Variants in TMC2 observed in about 807,000 individuals in gnomAD.
TMC2 encodes the protein transmembrane channel like 2.
Under a neutral mutation model 105.9 loss-of-function variants are expected in TMC2, and 102 were observed. The ratio of observed to expected loss-of-function variants is 0.96; its 90% CI spans 0.82 to 1.14. The LOEUF is 1.14. TMC2 is among the 50% of genes most tolerant of loss of function. TMC2 has a pLI of 0.00. For synonymous variants in TMC2, 402 were observed against 422.8 expected, an observed-to-expected ratio of 0.95 and a Z score of 0.60; for missense variants, 1,093 against 1,134.3, an observed-to-expected ratio of 0.96 and a Z score of 0.52.
chr20:2,632,603 G>GT (rs1403208793), intron 17 of TMC2, among the ~76,000 whole-genome samples: 1 of 151,242 alleles, frequency 6.6e-6, no homozygotes, highest in African/African-American at 2.4e-5. Flanking sequence ...TTTTGTTTTT[G>GT]TTTTTTTACA....
At chr20:2,634,626 G>A (rs1345403152) in intron 17 of TMC2, among the ~76,000 whole-genome samples, 1 of 152,170 alleles carries the variant, frequency 6.6e-6, no homozygotes, top group African/African-American at 2.4e-5. Context: ...AACCTTGGGA[G>A]GTACATAGCC....
intron 16 of TMC2, chr20:2,618,110 T>C (rs2086498281): frequency 6.6e-6 from 1 of 152,248 alleles, no homozygotes; most frequent in Non-Finnish European, 1.5e-5. Context: ...CTGGGACTTC[T>C]TCCCTCTATC....
intron 17 of TMC2, among the ~76,000 whole-genome samples, chr20:2,634,504 A>G (rs1178989441): frequency 2.6e-5 from 4 of 152,134 alleles, no homozygotes; most frequent in African/African-American, 9.7e-5. Context: ...CATGACAGGG[A>G]TGACATGATA....
At chr20:2,641,009 C>A in intron 19 of TMC2, 125 bp from the exon 20 acceptor site, 1 of 794,272 alleles carries the variant, frequency 1.3e-6, no homozygotes, top group Non-Finnish European at 2.1e-6. Flanking sequence ...GAGTGCAATC[C>A]GACAGCTCTC....
intron 7 of TMC2, among the ~76,000 whole-genome samples, chr20:2,588,816 CTT>C (rs763256491): frequency 1.3e-5 from 2 of 151,486 alleles, no homozygotes; most frequent in Non-Finnish European, 2.9e-5. Flanking sequence ...TAAGTCTGGA[CTT>C]TTTTAACCCT....
chr20:2,612,446 T>C (rs1484852477), intron 13 of TMC2, 106 bp downstream of exon 13: 21 of 1,122,028 alleles, frequency 1.9e-5, no homozygotes, highest in Non-Finnish European at 2.2e-5. Flanking sequence ...TACCAGCTGT[T>C]CATCCAGCAA....
rs535175834 is a variant in TMC2, at chr20:2,606,175, T to G, written c.1413+3874T>G. Among the ~76,000 whole-genome samples, 4 of 152,376 alleles carry G rather than the reference T, an allele frequency of 2.6e-5. No individual in the cohort carries two copies. In the East Asian group the frequency reaches 7.7e-4, roughly 29 times the overall value. Reference sequence around the variant, plus strand: ...TATATGCCAAGATTTATTTTCCTTTTTCTTTAAAGTCCATTAACTTTACTT... The same window carrying G: ...TATATGCCAAGATTTATTTTCCTTTGTCTTTAAAGTCCATTAACTTTACTT... On this transcript the variant is annotated intron_variant, in intron 11 of 19. Transcript: ENST00000358864.
intron 2 of TMC2, among the ~76,000 whole-genome samples, chr20:2,555,507 T>G (rs2085980337): frequency 6.6e-6 from 1 of 152,246 alleles, no homozygotes; most frequent in Admixed American, 6.5e-5. Flanking sequence ...GCCCTTTACT[T>G]TTAATCTATA....
At chr20:2,584,147 T>C (rs1388038565) in intron 7 of TMC2, among the ~76,000 whole-genome samples, 2 of 151,984 alleles carry the variant, frequency 1.3e-5, no homozygotes, top group African/African-American at 4.8e-5. Context: ...TTCAGACATA[T>C]GAAAAGATAT....
intron 10 of TMC2, among the ~76,000 whole-genome samples, chr20:2,600,872 A>C (rs2086346240): frequency 6.6e-6 from 1 of 151,602 alleles, no homozygotes; most frequent in South Asian, 2.1e-4. Flanking sequence ...CTGTAATCCC[A>C]GCTACTCAGG....
intron 4 of TMC2, among the ~76,000 whole-genome samples, chr20:2,565,450 C>A (rs936925470): frequency 6.6e-6 from 1 of 152,138 alleles, no homozygotes; most frequent in East Asian, 1.9e-4. Context: ...GCTATGTTGC[C>A]GGGACTGGTC....
At chr20:2,609,113 A>G (rs149558627) in intron 11 of TMC2, among the ~76,000 whole-genome samples, 26 of 152,328 alleles carry the variant, frequency 1.7e-4, no homozygotes, top group Admixed American at 2.6e-4. Flanking sequence ...TTTAAGACAC[A>G]CAGCTTATTA....
intron 5 of TMC2, among the ~76,000 whole-genome samples, chr20:2,574,735 C>T (rs760176886): frequency 2.6e-5 from 4 of 151,790 alleles, no homozygotes; most frequent in Non-Finnish European, 4.4e-5. Flanking sequence ...CTTTCTTATT[C>T]CTTTGTTTTT....
chr20:2,552,705 G>A (rs1371655516), intron 2 of TMC2, among the ~76,000 whole-genome samples: 3 of 151,886 alleles, frequency 2.0e-5, no homozygotes, highest in African/African-American at 2.4e-5. Flanking sequence ...TAGTAGAGAC[G>A]GGGTTTTACC....
intron 4 of TMC2, among the ~76,000 whole-genome samples, chr20:2,567,092 G>A (rs2086069600): frequency 6.6e-6 from 1 of 152,218 alleles, no homozygotes; most frequent in Non-Finnish European, 1.5e-5. Flanking sequence ...GAGGCTGAGT[G>A]GGAAGCAGGA....
At chr20:2,611,830 A>ATGGC (rs1299067050) in intron 12 of TMC2, among the ~76,000 whole-genome samples, 100 of 87,044 alleles carry the variant, frequency 1.1e-3, no homozygotes, top group African/African-American at 6.5e-3. Context: ...AGATGGATGA[A>ATGGC]TGGATGGATG....
chr20:2,633,796 C>T (rs1411207630), intron 17 of TMC2, among the ~76,000 whole-genome samples: 1 of 152,068 alleles, frequency 6.6e-6, no homozygotes, highest in Non-Finnish European at 1.5e-5. Flanking sequence ...TTAGATGCTG[C>T]AGAACTCACT....
chr20:2,563,928 A>G (rs1416451163), intron 4 of TMC2, among the ~76,000 whole-genome samples: 1 of 151,808 alleles, frequency 6.6e-6, no homozygotes, highest in Non-Finnish European at 1.5e-5. Context: ...GGGTCTCGCT[A>G]TGTTGCCCAG....
chr20:2,595,482 A>G (rs2086299118), intron 9 of TMC2, among the ~76,000 whole-genome samples: 1 of 152,128 alleles, frequency 6.6e-6, no homozygotes, highest in Non-Finnish European at 1.5e-5. Context: ...AACTTATACT[A>G]AATAAATATA....
Sources: allele counts gnomAD v4.1 joint callset (sites outside exome capture counted in the v4.1 genomes callset), GRCh38; gene constraint gnomAD v4.1.1; transcripts MANE v1.5; gene names NCBI Gene and HGNC (gene_info 2026-07-23, HGNC 2026-07-21).